The following ST7L variants were observed in gnomAD, a reference collection of about 807,000 sequenced individuals.
The protein encoded by ST7L is suppression of tumorigenicity 7 like, also known as suppressor of tumorigenicity 7 protein-like.
Under a neutral mutation model 72.5 loss-of-function variants are expected in ST7L, and 57 were observed. That is an observed-to-expected ratio of 0.79 (90% CI 0.64 to 0.98). The LOEUF (loss-of-function observed/expected upper bound fraction) is 0.98. Ranked by LOEUF, ST7L falls within the 50% of genes least tolerant of loss-of-function variation. ST7L has a pLI of 0.00. For synonymous variants in ST7L, 221 were observed against 240.9 expected (o/e 0.92, Z 0.77); for missense variants, 576 against 672.2 (o/e 0.86, Z 1.58).
At chr1:112,553,037 G>A (rs1341629827) in intron 12 of ST7L, among the ~76,000 whole-genome samples, 1 of 151,670 alleles carries the variant, frequency 6.6e-6, no homozygotes, top group Non-Finnish European at 1.5e-5. Context: ...AAATGAGTGA[G>A]ACAGAATATC....
chr1:112,547,560 TC>T lies in ST7L; in HGVS notation c.1489+3040del, dbSNP rs1657316469. Among the ~76,000 whole-genome samples, 4 of 128,464 alleles carry T rather than the reference TC, an allele frequency of 3.1e-5. No homozygotes were observed. In the South Asian group the frequency reaches 7.8e-4, roughly 25 times the overall value. 84.3% of individuals were successfully genotyped at this position (128,464 alleles called of 152,430 possible). A position where few individuals can be genotyped will look rare whatever the true frequency, so the allele number is the denominator to read the frequency against. On this transcript the variant is annotated intron_variant, in intron 13 of 14. Transcript: ENST00000358039. The stretch of plus-strand genomic sequence containing the variant: ...AACACATTGTCTGTCATCTTTGTCA[TC>T]TTTTTTTTTTTTTTTTTTTTTTTTT...
At chr1:112,584,749 A>C (rs1664633460) in intron 6 of ST7L, among the ~76,000 whole-genome samples, 1 of 152,100 alleles carries the variant, frequency 6.6e-6, no homozygotes, top group African/African-American at 2.4e-5. Context: ...CAGCTTTCCA[A>C]AGTGCTGGGA....
rs544041815 is a variant in ST7L at position 112,577,455 on chromosome 1, G to A, written c.1143-367C>T. On this transcript the variant is annotated intron_variant, in intron 10 of 14. Transcript: ENST00000358039. Reference sequence around the variant, plus strand: ...TGAGGCAGGAGAATCACTTGTACCCGGGAGGCAGAGGTTGCAGTGAGCCAA... The same window carrying A: ...TGAGGCAGGAGAATCACTTGTACCCAGGAGGCAGAGGTTGCAGTGAGCCAA... Among the ~76,000 whole-genome samples, 3 of 150,074 alleles carry A rather than the reference G, an allele frequency of 2.0e-5. No homozygotes were observed. The East Asian group carries it at 5.9e-4, about 30-fold the overall frequency.
chr1:112,567,948 G>A (rs917845940), intron 11 of ST7L, among the ~76,000 whole-genome samples: 13 of 152,062 alleles, frequency 8.5e-5, no homozygotes, highest in African/African-American at 2.9e-4. Context: ...AAAGTTGGGC[G>A]ATATTATTCT....
At chr1:112,605,094 A>C (rs1668014450) in intron 3 of ST7L, among the ~76,000 whole-genome samples, 1 of 149,488 alleles carries the variant, frequency 6.7e-6, no homozygotes, top group African/African-American at 2.5e-5. Context: ...GCTCCAAAAA[A>C]AAAAAAAAAA....
At chr1:112,605,306 T>C (rs1221250227) in intron 3 of ST7L, among the ~76,000 whole-genome samples, 1 of 151,898 alleles carries the variant, frequency 6.6e-6, no homozygotes, top group Non-Finnish European at 1.5e-5. Context: ...GGCAGGAGAA[T>C]CACCTGAACC....
intron 8 of ST7L, 41 bp from the exon 9 acceptor site, chr1:112,582,147 A>C (rs777132099): frequency 2.8e-6 from 4 of 1,444,670 alleles, no homozygotes; most frequent in Admixed American, 3.4e-5. Context: ...ATCATAACAA[A>C]GGAACTCAAT....
intron 5 of ST7L, among the ~76,000 whole-genome samples, chr1:112,597,391 C>T (rs1409334347): frequency 4.6e-5 from 7 of 152,166 alleles, no homozygotes; most frequent in Admixed American, 1.3e-4. Context: ...TTTGAGGTTA[C>T]TTGGAGCTAT....
intron 9 of ST7L, among the ~76,000 whole-genome samples, chr1:112,580,062 T>C (rs1183813326): frequency 2.0e-5 from 3 of 152,240 alleles, no homozygotes; most frequent in African/African-American, 7.2e-5. Context: ...TTTCCAAGTA[T>C]AACACATTTC....
chr1:112,535,770 C>G (rs1048838685), intron 14 of ST7L, among the ~76,000 whole-genome samples: 1 of 151,892 alleles, frequency 6.6e-6, no homozygotes, highest in African/African-American at 2.4e-5. Flanking sequence ...TTTTCTTTCC[C>G]CCTTAGAAGA....
At chr1:112,540,605 T>C in intron 14 of ST7L, 2 of 985,384 alleles carry the variant, frequency 2.0e-6, no homozygotes, top group Non-Finnish European at 2.4e-6. Flanking sequence ...ACTTAACACA[T>C]TATATGGTTG....
upstream of ST7L, chr1:112,619,226 C>T: frequency 2.0e-6 from 2 of 1,001,490 alleles, no homozygotes; most frequent in Non-Finnish European, 1.5e-6. Context: ...AGGCTGAGTC[C>T]TGGGGAACCG....
At chr1:112,554,818 A>G (rs186459982) in intron 12 of ST7L, among the ~76,000 whole-genome samples, 2 of 152,350 alleles carry the variant, frequency 1.3e-5, no homozygotes, top group East Asian at 3.8e-4. Context: ...TGAAATTCTG[A>G]TGCATATTAC....
intron 13 of ST7L, among the ~76,000 whole-genome samples, chr1:112,549,867 C>T (rs1489110203): frequency 1.3e-5 from 2 of 151,982 alleles, no homozygotes; most frequent in Admixed American, 6.6e-5. Flanking sequence ...GTCTTATTCC[C>T]GATCTTAGGG....
intron 3 of ST7L, among the ~76,000 whole-genome samples, chr1:112,610,188 G>C (rs1253200222): frequency 6.6e-6 from 1 of 152,098 alleles, no homozygotes; most frequent in Non-Finnish European, 1.5e-5. Flanking sequence ...CTGTGGGGTG[G>C]AGTAGAGGGA....
intron 7 of ST7L, 71 bp downstream of exon 7, chr1:112,583,901 G>T: frequency 6.7e-7 from 1 of 1,492,288 alleles, no homozygotes; most frequent in Admixed American, 2.2e-5. Context: ...TTTTATTATT[G>T]TTGTTTGTGT....
At chr1:112,561,093 C>G (rs917676104) in intron 11 of ST7L, among the ~76,000 whole-genome samples, 2 of 151,210 alleles carry the variant, frequency 1.3e-5, no homozygotes, top group South Asian at 4.2e-4. Flanking sequence ...AAACTAAAAC[C>G]AAATACAAAA....
chr1:112,562,900 C>T (rs61818774), intron 11 of ST7L, among the ~76,000 whole-genome samples: 5,358 of 152,072 alleles, frequency 0.035, 127 homozygotes, highest in South Asian at 0.062. Flanking sequence ...ACACAAGACA[C>T]GGTAAAGTAT....
chr1:112,591,161 G>A (rs1665661732), intron 6 of ST7L, among the ~76,000 whole-genome samples: 1 of 152,040 alleles, frequency 6.6e-6, no homozygotes, highest in Admixed American at 6.6e-5. Context: ...TCGATCTCCT[G>A]ACCTCATGAT....
Sources: gnomAD v4.1 joint callset for allele counts (sites outside exome capture counted in the v4.1 genomes callset) on GRCh38, gnomAD v4.1.1 for gene constraint, MANE v1.5 for transcripts, NCBI Gene and HGNC (gene_info 2026-07-23, HGNC 2026-07-21) for gene names.